The following FOCAD variants were observed in gnomAD, a reference collection of about 807,000 sequenced individuals.
FOCAD encodes the protein KIAA1797.
Under a neutral mutation model 225.6 loss-of-function variants are expected in FOCAD, and 198 were observed. That is an observed-to-expected ratio of 0.88 (90% confidence interval 0.78 to 0.99). FOCAD has a LOEUF of 0.99. Among genes scored for constraint, FOCAD ranks in the 50% least tolerant of loss-of-function variants. FOCAD has a pLI of 0.00. For synonymous variants in FOCAD, 897 were observed against 755.0 expected, an observed-to-expected ratio of 1.19 and a Z score of -3.08; for missense variants, 2,713 against 2,123.6, an observed-to-expected ratio of 1.28 and a Z score of -5.46.
At chr9:20,900,595 G>A (rs887461260) in intron 21 of FOCAD, among the ~76,000 whole-genome samples, 4 of 151,816 alleles carry the variant, frequency 2.6e-5, no homozygotes, top group African/African-American at 9.7e-5. Flanking sequence ...GAAGTACAAG[G>A]AATAATGTTA....
intron 1 of FOCAD, among the ~76,000 whole-genome samples, chr9:20,706,754 G>C (rs376931214): frequency 3.1e-4 from 47 of 152,336 alleles, no homozygotes; most frequent in African/African-American, 1.1e-3. Flanking sequence ...GCAACAAGGA[G>C]ACCCCAAAAT....
intron 37 of FOCAD, 37 bp from the exon 38 acceptor site, chr9:20,981,389 G>T: frequency 6.2e-7 from 1 of 1,604,628 alleles, no homozygotes; most frequent in South Asian, 1.1e-5. Context: ...ACCCAGACTT[G>T]CCTATTTACA....
intron 35 of FOCAD, among the ~76,000 whole-genome samples, chr9:20,973,058 C>A (rs1031022080): frequency 1.3e-5 from 2 of 151,944 alleles, no homozygotes; most frequent in African/African-American, 4.8e-5. Context: ...TCCTGTGCTT[C>A]TTCTTTCTGC....
rs374337191 is a variant in FOCAD at position 20,862,656 on chromosome 9, C to G, written c.1999C>G (p.Leu667Val). 1 of 1,613,586 alleles carries G rather than the reference C, an allele frequency of 6.2e-7. No individual in the cohort carries two copies. The highest frequency in any genetic ancestry group is 8.5e-7 in the Non-Finnish European group (1 of 1,179,652). ...CACAAGACCTCTCATTCTGAAGACA[C>G]TGAGTGAACTATTTTCTCTAGTTCC... ...CDTRPLILKT[L>V]SELFSLVPSL... is the part of the protein sequence containing the mutation. The change falls in exon 16 of 44, where the codon CTG becomes GTG. Residue 667 changes from leucine (L) to valine (V), a missense_variant. Leu to Val is a conservative substitution (Grantham distance 32). Coordinates refer to ENST00000338382, the MANE Select transcript of FOCAD (RefSeq NM_001375567.1).
chr9:20,679,372 C>T (rs775411645), upstream of FOCAD, among the ~76,000 whole-genome samples: 2 of 152,092 alleles, frequency 1.3e-5, no homozygotes, highest in Non-Finnish European at 2.9e-5. Context: ...TCCCAGTCTT[C>T]GTGCCTGATG....
chr9:20,777,480 A>G (rs933621514), intron 8 of FOCAD, among the ~76,000 whole-genome samples: 1 of 152,056 alleles, frequency 6.6e-6, no homozygotes, highest in African/African-American at 2.4e-5. Flanking sequence ...GTGTTTTATT[A>G]ATATTTATTA....
chr9:20,988,261 G>C, intron 40 of FOCAD, 71 bp from the exon 41 acceptor site: 1 of 921,842 alleles, frequency 1.1e-6, no homozygotes, highest in Non-Finnish European at 1.7e-6. Flanking sequence ...AGTTATGATG[G>C]TTGTTACTGA....
rs1022634262 is a variant in FOCAD at position 20,938,796 on chromosome 9, A to G, written c.3407+5693A>G. ...TTACCAATTTTTAAGAATTCATTAT[A>G]TATTATGTACATGAACTTTAGTCTA... On this transcript the variant is annotated intron_variant, in intron 28 of 43. Transcript: ENST00000338382. 7.6e-4 allele frequency among the ~76,000 whole-genome samples: 115 copies of G among 152,074 alleles called. 2 individuals are homozygous for G. Among genetic ancestry groups the G allele is most frequent in the Non-Finnish European group, 1.2e-4 (8 of 68,010 alleles).
intron 30 of FOCAD, 140 bp from the exon 31 acceptor site, chr9:20,948,131 G>T: frequency 1.0e-5 from 8 of 799,066 alleles, no homozygotes; most frequent in East Asian, 3.3e-5. Flanking sequence ...AAACACTTAA[G>T]TCTGATTTTT....
At chr9:20,734,731 A>G (rs962456397) in intron 4 of FOCAD, among the ~76,000 whole-genome samples, 36 of 151,822 alleles carry the variant, frequency 2.4e-4, no homozygotes, top group Admixed American at 2.4e-3. Context: ...TGCAGCCCCA[A>G]CCTCCTGGGC....
At chr9:20,939,932 GTGA>G (rs1836473640) in intron 28 of FOCAD, among the ~76,000 whole-genome samples, 2 of 135,936 alleles carry the variant, frequency 1.5e-5, no homozygotes, top group Non-Finnish European at 3.1e-5. Flanking sequence ...GCCCCAGTGT[GTGA>G]TGTTCCCCAC....
chr9:20,790,967 G>T (rs184596823), intron 11 of FOCAD, among the ~76,000 whole-genome samples: 6 of 152,198 alleles, frequency 3.9e-5, no homozygotes, highest in Non-Finnish European at 8.8e-5. Context: ...TTGTTTCATG[G>T]TGTATGCGTA....
At chr9:20,658,152 C>T (rs1048776608), upstream of FOCAD, among the ~76,000 whole-genome samples, 11 of 151,552 alleles carry the variant, frequency 7.3e-5, no homozygotes, top group East Asian at 2.0e-4. Flanking sequence ...TCTCCAGCTG[C>T]GTGGTGGGAG....
At chr9:20,843,454 C>G (rs1161959529) in intron 15 of FOCAD, among the ~76,000 whole-genome samples, 2 of 152,036 alleles carry the variant, frequency 1.3e-5, no homozygotes, top group African/African-American at 4.8e-5. Context: ...AATGTTTCCA[C>G]AGAGAGTCTG....
At chr9:20,743,512 T>A (rs1014620810) in intron 5 of FOCAD, among the ~76,000 whole-genome samples, 5 of 152,022 alleles carry the variant, frequency 3.3e-5, no homozygotes, top group Middle Eastern at 3.2e-3. Flanking sequence ...ACAAGAGATA[T>A]GAGAACCAAG....
intron 15 of FOCAD, among the ~76,000 whole-genome samples, chr9:20,841,042 T>G (rs1025983946): frequency 2.6e-5 from 4 of 152,064 alleles, no homozygotes; most frequent in African/African-American, 9.7e-5. Flanking sequence ...ATTGCATATG[T>G]TGAACCATCT....
chr9:20,722,274 C>A (rs1393740382), intron 4 of FOCAD, among the ~76,000 whole-genome samples: 1 of 151,982 alleles, frequency 6.6e-6, no homozygotes, highest in Non-Finnish European at 1.5e-5. Flanking sequence ...CTAGATCCAG[C>A]CTTCTGTTCA....
intron 6 of FOCAD, among the ~76,000 whole-genome samples, chr9:20,759,794 A>G (rs749218562): frequency 1.3e-5 from 2 of 152,224 alleles, no homozygotes; most frequent in African/African-American, 2.4e-5. Context: ...AGTGGTTAGG[A>G]AAGTTGGCTA....
chr9:20,962,419 CATACAT>C (rs780914949), intron 35 of FOCAD, among the ~76,000 whole-genome samples: 1 of 146,990 alleles, frequency 6.8e-6, no homozygotes, highest in African/African-American at 2.6e-5. Context: ...TACACACACA[CATACAT>C]ACATACATAC....
Sources: allele counts gnomAD v4.1 joint callset (sites outside exome capture counted in the v4.1 genomes callset), GRCh38; gene constraint gnomAD v4.1.1; transcripts MANE v1.5; gene names NCBI Gene and HGNC (gene_info 2026-07-23, HGNC 2026-07-21).